Variants in IL1RAPL1 observed in about 807,000 individuals in gnomAD.
IL1RAPL1 encodes the protein interleukin-1 receptor accessory protein-like 1.
IL1RAPL1 carries 3 observed loss-of-function variants against 48.4 expected under a neutral mutation model. The observed-to-expected ratio is 0.06, with a 90% CI of 0.03 to 0.16. The LOEUF (loss-of-function observed/expected upper bound fraction) is 0.16. Among genes scored for constraint, IL1RAPL1 ranks in the 10% least tolerant of loss-of-function variants. IL1RAPL1 has a pLI of 1.00. For missense variants in IL1RAPL1, 349 were observed against 530.6 expected (o/e 0.66, Z 3.36); for synonymous variants, 185 against 187.7 (o/e 0.99, Z 0.12).
intron 6 of IL1RAPL1, among the ~76,000 whole-genome samples, chrX:29,900,542 A>G (rs1932475729): frequency 1.8e-5 from 2 of 112,136 alleles, no homozygotes. Flanking sequence ...GTGTTTTAGA[A>G]CAGATACTAT....
intron 1 of IL1RAPL1, among the ~76,000 whole-genome samples, chrX:28,763,051 G>A (rs1936195457): frequency 9.0e-6 from 1 of 111,403 alleles, no homozygotes; most frequent in Non-Finnish European, 1.9e-5. Context: ...TCCAAATTCA[G>A]AGAAAAGATG....
chrX:29,454,587 A>T (rs770960145), intron 5 of IL1RAPL1, among the ~76,000 whole-genome samples: 1 of 111,956 alleles, frequency 8.9e-6, no homozygotes, highest in African/African-American at 3.2e-5. Flanking sequence ...ATAACAGCAG[A>T]AGAACCAGAG....
At chrX:29,336,079 TGTATATTATAC>T (rs1932988873) in intron 3 of IL1RAPL1, among the ~76,000 whole-genome samples, 1 of 105,642 alleles carries the variant, frequency 9.5e-6, no homozygotes, top group South Asian at 4.0e-4. Flanking sequence ...AAAATATATA[TGTATATTATAC>T]GTATATATTT....
intron 5 of IL1RAPL1, among the ~76,000 whole-genome samples, chrX:29,460,629 A>G (rs972032650): frequency 8.9e-6 from 1 of 112,294 alleles, no homozygotes; most frequent in African/African-American, 3.2e-5. Flanking sequence ...TACTAATACC[A>G]CTATGCAACT....
At chrX:29,376,037 A>C (rs1490337199) in intron 3 of IL1RAPL1, among the ~76,000 whole-genome samples, 4 of 110,697 alleles carry the variant, frequency 3.6e-5, no homozygotes, top group Non-Finnish European at 7.6e-5. Flanking sequence ...TGTTGAATGG[A>C]TTTTTCCATC....
intron 6 of IL1RAPL1, among the ~76,000 whole-genome samples, chrX:29,808,204 A>G (rs746082230): frequency 1.1e-4 from 12 of 112,148 alleles, no homozygotes; most frequent in South Asian, 3.7e-4. Context: ...TAGCAAAAAA[A>G]TTAATTTACC....
chrX:29,440,740 A>G (rs923503229), intron 5 of IL1RAPL1, among the ~76,000 whole-genome samples: 1 of 112,433 alleles, frequency 8.9e-6, no homozygotes, highest in Non-Finnish European at 1.9e-5. Flanking sequence ...AATTTCAGTG[A>G]AGAAAATCAA....
intron 1 of IL1RAPL1, among the ~76,000 whole-genome samples, chrX:28,700,081 T>A (rs758604804): frequency 1.8e-5 from 2 of 111,213 alleles, no homozygotes; most frequent in East Asian, 5.7e-4. Context: ...TAATAGCAAA[T>A]TAATCACTAA....
At chrX:28,671,047 T>C (rs1386996590) in intron 1 of IL1RAPL1, among the ~76,000 whole-genome samples, 1 of 112,189 alleles carries the variant, frequency 8.9e-6, no homozygotes, top group African/African-American at 3.2e-5. Context: ...AGTTATATTC[T>C]TTTTCTCAAG....
At chrX:29,268,323 T>C (rs1027036147) in intron 2 of IL1RAPL1, among the ~76,000 whole-genome samples, 3 of 112,164 alleles carry the variant, frequency 2.7e-5, no homozygotes, top group African/African-American at 9.7e-5. Flanking sequence ...AAAGAGTATG[T>C]GATTGACTAT....
At chrX:29,216,781 A>T (rs1930877339) in intron 2 of IL1RAPL1, among the ~76,000 whole-genome samples, 1 of 112,025 alleles carries the variant, frequency 8.9e-6, no homozygotes, top group Non-Finnish European at 1.9e-5. Context: ...AGACAATGAG[A>T]TTCAATGGGT....
intron 6 of IL1RAPL1, among the ~76,000 whole-genome samples, chrX:29,750,373 TGTGA>T (rs1360666855): frequency 8.9e-6 from 1 of 111,898 alleles, no homozygotes; most frequent in Non-Finnish European, 1.9e-5. Context: ...AACAAATAAT[TGTGA>T]GTAAGTGGTT....
chrX:29,548,434 A>G (rs1272391022), intron 5 of IL1RAPL1, among the ~76,000 whole-genome samples: 2 of 112,407 alleles, frequency 1.8e-5, no homozygotes, highest in Non-Finnish European at 3.8e-5. Flanking sequence ...GAGTAACTTC[A>G]TGAAATAAAT....
intron 2 of IL1RAPL1, among the ~76,000 whole-genome samples, chrX:28,956,993 G>A (rs1924630071): frequency 9.0e-6 from 1 of 110,742 alleles, no homozygotes; most frequent in East Asian, 2.8e-4. Context: ...AGTCTTGGGA[G>A]GGTGTATGTG....
At chrX:29,857,966 C>A (rs1366621382) in intron 6 of IL1RAPL1, among the ~76,000 whole-genome samples, 1 of 111,870 alleles carries the variant, frequency 8.9e-6, no homozygotes, top group Non-Finnish European at 1.9e-5. Flanking sequence ...GGAAAGACAT[C>A]TTTCACTTGG....
At chrX:29,210,146 G>A (rs918831409) in intron 2 of IL1RAPL1, among the ~76,000 whole-genome samples, 2 of 111,865 alleles carry the variant, frequency 1.8e-5, no homozygotes, top group Admixed American at 9.6e-5. Context: ...ACTTAGAGTT[G>A]TTTTGCTTTT....
chrX:29,178,503 T>C (rs200120253), intron 2 of IL1RAPL1, among the ~76,000 whole-genome samples: 1 of 112,154 alleles, frequency 8.9e-6, no homozygotes, highest in East Asian at 2.8e-4. Flanking sequence ...TAGCCCTTTG[T>C]CAGATAGGTA....
At chrX:29,779,280 G>T (rs1188528540) in intron 6 of IL1RAPL1, among the ~76,000 whole-genome samples, 1 of 111,357 alleles carries the variant, frequency 9.0e-6, no homozygotes, top group African/African-American at 3.3e-5. Flanking sequence ...TACAAACTGG[G>T]ATTCTGGACC....
intron 3 of IL1RAPL1, among the ~76,000 whole-genome samples, chrX:29,317,445 C>T (rs1486197205): frequency 3.6e-5 from 4 of 111,863 alleles, no homozygotes; most frequent in Non-Finnish European, 7.5e-5. Context: ...TATAGATGAA[C>T]GTTGGTTGGA....
Sources: gnomAD v4.1 joint callset for allele counts (sites outside exome capture counted in the v4.1 genomes callset) on GRCh38, gnomAD v4.1.1 for gene constraint, MANE v1.5 for transcripts, NCBI Gene and HGNC (gene_info 2026-07-23, HGNC 2026-07-21) for gene names.